Variants in SLC35E2B observed in about 807,000 individuals in gnomAD.
SLC35E2B encodes the protein solute carrier family 35, member E2B.
SLC35E2B carries 18 observed loss-of-function variants against 32.4 expected under a neutral mutation model. The observed-to-expected ratio is 0.56, with a 90% CI of 0.38 to 0.82. The LOEUF (loss-of-function observed/expected upper bound fraction) is 0.82. SLC35E2B is among the 40% of genes least tolerant of loss of function. The pLI is 0.00. For missense variants in SLC35E2B, 263 were observed against 469.5 expected, an observed-to-expected ratio of 0.56 and a Z score of 4.06; for synonymous variants, 132 against 209.1, an observed-to-expected ratio of 0.63 and a Z score of 3.18.
chr1:1,686,987 CG>C (rs1643958917), intron 2 of SLC35E2B, among the ~76,000 whole-genome samples: 1 of 152,012 alleles, frequency 6.6e-6, no homozygotes, highest in Non-Finnish European at 1.5e-5. Context: ...ACCCAGGAGG[CG>C]GAGCTTGCAG....
Position 1,687,809 on chromosome 1 carries a change from C to T in SLC35E2B, c.-148+3167G>A, listed in dbSNP as rs1187101901. Among the ~76,000 whole-genome samples, 17 of 151,730 alleles carry T rather than the reference C, an allele frequency of 1.1e-4. No individual in the cohort carries two copies. The East Asian group carries it at 2.9e-3, about 26-fold the overall frequency. Reference sequence around the variant, plus strand: ...ACTTAGGAGGCTGAGGCATGAGAATCGCTTGAACCCGGAGGCGGAGGTTGC... The same window carrying T: ...ACTTAGGAGGCTGAGGCATGAGAATTGCTTGAACCCGGAGGCGGAGGTTGC... On this transcript the variant is annotated intron_variant, in intron 2 of 9. Transcript: ENST00000617444.
At chr1:1,686,419 G>C (rs767283708) in intron 2 of SLC35E2B, among the ~76,000 whole-genome samples, 8 of 150,198 alleles carry the variant, frequency 5.3e-5, no homozygotes, top group African/African-American at 7.4e-5. Context: ...TTCATCATGT[G>C]AGTGAAGCGA....
intron 8 of SLC35E2B, 68 bp from the exon 9 acceptor site, chr1:1,668,540 G>A (rs879016322): frequency 3.2e-5 from 51 of 1,613,218 alleles, no homozygotes; most frequent in African/African-American, 9.3e-5. Flanking sequence ...CACCAAAAAC[G>A]CCCAGCGCCA....
At chr1:1,675,220 T>C (rs893161665) in intron 5 of SLC35E2B, among the ~76,000 whole-genome samples, 6 of 96,004 alleles carry the variant, frequency 6.2e-5, no homozygotes, top group Non-Finnish European at 2.0e-4. Flanking sequence ...CCCACCCAGT[T>C]AGGGCCACAG....
At chr1:1,668,851 C>T (rs1643612036) in intron 8 of SLC35E2B, among the ~76,000 whole-genome samples, 1 of 151,884 alleles carries the variant, frequency 6.6e-6, no homozygotes, top group South Asian at 2.1e-4. Context: ...ACTAGCCAGG[C>T]GTGGTGGTGG....
At position 1,692,791 on chromosome 1, in the gene SLC35E2B, G is replaced by C. The variant is rs1644032347; in HGVS notation, c.-908C>G. The C allele has an allele frequency of 2.0e-6, 2 of 984,228 alleles. No homozygotes were observed. Among genetic ancestry groups the C allele is most frequent in the South Asian group, 9.4e-5 (2 of 21,290 alleles). The allele number at this position is 984,228 out of a possible 1,614,324, so 61.0% of individuals were successfully genotyped here. ...GCTGCCCGTTGGTTCCGCCCGGGCCGTTCTACTCCAGGCAGACGGGAGGAG... is the reference window on the plus strand; with the variant it reads ...GCTGCCCGTTGGTTCCGCCCGGGCCCTTCTACTCCAGGCAGACGGGAGGAG... On this transcript the variant is annotated 5_prime_UTR_variant, in exon 1 of 10. Transcript: ENST00000617444.
intron 8 of SLC35E2B, 38 bp downstream of exon 8, chr1:1,669,626 C>A: frequency 6.7e-7 from 1 of 1,493,226 alleles, no homozygotes; most frequent in South Asian, 1.2e-5. Context: ...GAAGGCAGCC[C>A]GGCAAGTAAG....
chr1:1,663,243 A>G lies in SLC35E2B; in HGVS notation c.*2539T>C. The G allele has an allele frequency of 1.0e-6, 1 of 976,194 alleles. No individual in the cohort carries two copies. Among genetic ancestry groups the G allele is most frequent in the Non-Finnish European group, 1.2e-6 (1 of 822,444 alleles). 60.5% of individuals were successfully genotyped at this position (976,194 alleles called of 1,614,324 possible). A position where few individuals can be genotyped will look rare whatever the true frequency, so the allele number is the denominator to read the frequency against. On this transcript the variant is annotated 3_prime_UTR_variant, in exon 10 of 10. Coordinates refer to ENST00000617444, the MANE Select transcript of SLC35E2B (RefSeq NM_001290264.2). ...TGGTCCACAAACAGAAAATCCAAAC[A>G]GGATGGCAGCTCCTTGTGAGGGTGG...
rs1215226109 is a variant in SLC35E2B at position 1,662,553 on chromosome 1, C to G, written c.*3229G>C. The G allele has an allele frequency of 9.8e-5, 80 of 819,480 alleles. 9 individuals carry two copies. Among genetic ancestry groups the G allele is most frequent in the Non-Finnish European group, 1.1e-4 (75 of 678,382 alleles). The allele number at this position is 819,480 out of a possible 1,614,324, so 50.8% of individuals were successfully genotyped here. A position where few individuals can be genotyped will look rare whatever the true frequency, so the allele number is the denominator to read the frequency against. ...TCAGCTGTTTAAAATGACTGTCTGA[C>G]TCACCATGGTAATTTTTCACAAATT... On this transcript the variant is annotated 3_prime_UTR_variant, in exon 10 of 10. Coordinates refer to ENST00000617444, the MANE Select transcript of SLC35E2B (RefSeq NM_001290264.2).
At chr1:1,685,733 T>A (rs1267146962) in intron 2 of SLC35E2B, among the ~76,000 whole-genome samples, 1 of 152,142 alleles carries the variant, frequency 6.6e-6, no homozygotes, top group East Asian at 1.9e-4. Context: ...GCATGGACGC[T>A]GGATGTGGGT....
chr1:1,686,306 CTTTTCTTTTT>C (rs1215663803), intron 2 of SLC35E2B, among the ~76,000 whole-genome samples: 4 of 144,420 alleles, frequency 2.8e-5, no homozygotes, highest in African/African-American at 1.0e-4. Context: ...CCCAGCCTCC[CTTTTCTTTTT>C]TTTTCTTTTT....
rs1643654104 is a variant in SLC35E2B, at chr1:1,670,303, G to A, written c.708-152C>T. 1.6e-5 allele frequency: 10 copies of A among 614,282 alleles called. No homozygotes were observed. In the South Asian group the frequency reaches 1.9e-4, roughly 12 times the overall value. 38.1% of individuals were successfully genotyped at this position (614,282 alleles called of 1,614,324 possible). A position where few individuals can be genotyped will look rare whatever the true frequency, so the allele number is the denominator to read the frequency against. ...CGCCTGGTTACTTTTTTTATTTTTA[G>A]TAGAGATAGGGTTTCACCGTGTTGG... On this transcript the variant is annotated intron_variant, in intron 6 of 9. Transcript: ENST00000617444.
intron 2 of SLC35E2B, among the ~76,000 whole-genome samples, chr1:1,685,732 C>G (rs1643942588): frequency 6.6e-6 from 1 of 152,158 alleles, no homozygotes; most frequent in African/African-American, 2.4e-5. Flanking sequence ...TGCATGGACG[C>G]TGGATGTGGG....
chr1:1,687,732 C>G (rs1643968829), intron 2 of SLC35E2B, among the ~76,000 whole-genome samples: 1 of 84,334 alleles, frequency 1.2e-5, no homozygotes, highest in South Asian at 5.5e-4. Context: ...GAGACTCCAT[C>G]TCAAAAAAAA....
intron 2 of SLC35E2B, among the ~76,000 whole-genome samples, chr1:1,685,362 G>A (rs376245506): frequency 1.1e-4 from 15 of 139,564 alleles, no homozygotes; most frequent in African/African-American, 2.7e-4. Context: ...TGCAGTGACC[G>A]TGATCTCACC....
At chr1:1,674,601 A>G (rs1185870899) in intron 5 of SLC35E2B, among the ~76,000 whole-genome samples, 2 of 150,206 alleles carry the variant, frequency 1.3e-5, no homozygotes, top group East Asian at 3.9e-4. Context: ...TGGGCGACAG[A>G]GCAAGACCCT....
chr1:1,670,188 T>G (rs1442307643), intron 6 of SLC35E2B, 37 bp from the exon 7 acceptor site: 1 of 1,447,802 alleles, frequency 6.9e-7, no homozygotes, highest in Non-Finnish European at 9.5e-7. Flanking sequence ...TCAATACTAG[T>G]CCTCGGCACG....
Position 1,668,641 on chromosome 1 carries a change from TTC to T in SLC35E2B, c.835-171_835-170del, listed in dbSNP as rs371087779. 6.6e-4 allele frequency among the ~76,000 whole-genome samples: 100 copies of T among 152,330 alleles called. 2 individuals carry two copies. In the East Asian group the frequency reaches 0.017, roughly 26 times the overall value. ...CAGCTGGACTGTGCACTCATCCATT[TTC>T]TGTTTTTTTTGTTTGTTTGTTTTTA... is the stretch of plus-strand genomic sequence containing the variant. On this transcript the variant is annotated intron_variant, in intron 8 of 9. Transcript: ENST00000617444.
chr1:1,671,680 C>A, intron 5 of SLC35E2B, 51 bp from the exon 6 acceptor site: 1 of 1,447,548 alleles, frequency 6.9e-7, no homozygotes, highest in South Asian at 1.4e-5. Flanking sequence ...GCGGACGCTC[C>A]CTCCCGAGGG....
Sources: gnomAD v4.1 joint callset for allele counts (sites outside exome capture counted in the v4.1 genomes callset) on GRCh38, gnomAD v4.1.1 for gene constraint, MANE v1.5 for transcripts, NCBI Gene and HGNC (gene_info 2026-07-23, HGNC 2026-07-21) for gene names.